The following DNM2 variants were observed in gnomAD, a reference collection of about 807,000 sequenced individuals.
DNM2 encodes the protein dynamin-2.
Under a neutral mutation model 99.0 loss-of-function variants are expected in DNM2, and 15 were observed. That is an observed-to-expected ratio of 0.15 (90% CI 0.10 to 0.23). The LOEUF (loss-of-function observed/expected upper bound fraction) is 0.23. Ranked by LOEUF, DNM2 falls within the 10% of genes least tolerant of loss-of-function variation. The pLI is 1.00. For missense variants in DNM2, 742 were observed against 1,189.4 expected, an observed-to-expected ratio of 0.62 and a Z score of 5.53; for synonymous variants, 525 against 481.2, an observed-to-expected ratio of 1.09 and a Z score of -1.19.
chr19:10,733,229 T>G (rs2069399920), intron 1 of DNM2, among the ~76,000 whole-genome samples: 1 of 146,114 alleles, frequency 6.8e-6, no homozygotes, highest in African/African-American at 2.5e-5. Context: ...TCCCACTCTT[T>G]CACCCAGGTT....
rs146051658 is a variant in DNM2, at chr19:10,814,293, C to T, written c.1671+1916C>T. On this transcript the variant is annotated intron_variant, in intron 15 of 20. Transcript: ENST00000389253. The stretch of plus-strand genomic sequence containing the variant: ...CAGCCTGACCAACATGGAGAAACCC[C>T]GTCTCTACTAAAAATACAAAATTAA... 5.4e-4 allele frequency among the ~76,000 whole-genome samples: 82 copies of T among 152,096 alleles called. No homozygotes were observed. The Middle Eastern group carries it at 0.01, about 19-fold the overall frequency.
At chr19:10,740,885 ATCTT>A (rs2069720720) in intron 1 of DNM2, among the ~76,000 whole-genome samples, 1 of 152,196 alleles carries the variant, frequency 6.6e-6, no homozygotes, top group Non-Finnish European at 1.5e-5. Flanking sequence ...TCTGAAAAAC[ATCTT>A]TCTTGTGTTC....
chr19:10,808,291 C>T (rs960383865), intron 13 of DNM2, among the ~76,000 whole-genome samples: 12 of 152,148 alleles, frequency 7.9e-5, no homozygotes, highest in Non-Finnish European at 1.0e-4. Flanking sequence ...GAAGGAAGAA[C>T]GTAACCATTG....
intron 7 of DNM2, among the ~76,000 whole-genome samples, chr19:10,790,819 T>G (rs1812990427): frequency 6.6e-6 from 1 of 152,068 alleles, no homozygotes. Context: ...CAGGCTAGAG[T>G]GCAGTGGTGC....
At chr19:10,814,202 C>A (rs1009223172) in intron 15 of DNM2, among the ~76,000 whole-genome samples, 1 of 152,070 alleles carries the variant, frequency 6.6e-6, no homozygotes, top group Non-Finnish European at 1.5e-5. Context: ...CAGTGGCTCA[C>A]GCCATTAATC....
intron 4 of DNM2, 105 bp from the exon 5 acceptor site, chr19:10,777,013 G>A: frequency 9.4e-7 from 1 of 1,067,500 alleles, no homozygotes; most frequent in South Asian, 1.3e-5. Context: ...CAGGTGATGT[G>A]ACCTGGAAGT....
chr19:10,737,814 C>T (rs2069583662), intron 1 of DNM2, among the ~76,000 whole-genome samples: 1 of 152,148 alleles, frequency 6.6e-6, no homozygotes, highest in Non-Finnish European at 1.5e-5. Flanking sequence ...TCTGTCTCCC[C>T]CCACTAGAAG....
At chr19:10,808,622 AGTG>A (rs778349800) in intron 14 of DNM2, 42 bp downstream of exon 14, 3 of 1,606,282 alleles carry the variant, frequency 1.9e-6, no homozygotes, top group Non-Finnish European at 2.6e-6. Flanking sequence ...TAGAGAATCT[AGTG>A]GTGATGGAGA....
At chr19:10,800,912 T>C (rs927602535) in intron 11 of DNM2, among the ~76,000 whole-genome samples, 14 of 152,254 alleles carry the variant, frequency 9.2e-5, no homozygotes, top group Non-Finnish European at 1.5e-4. Flanking sequence ...TGTGTGTGTG[T>C]GCGCGCGTGC....
chr19:10,774,482 A>C (rs1449997403), intron 3 of DNM2, among the ~76,000 whole-genome samples: 1 of 152,176 alleles, frequency 6.6e-6, no homozygotes, highest in South Asian at 2.1e-4. Flanking sequence ...GCTGGAGTGC[A>C]ATGGTGCAAT....
At chr19:10,752,644 C>T (rs2070235974) in intron 1 of DNM2, among the ~76,000 whole-genome samples, 1 of 152,250 alleles carries the variant, frequency 6.6e-6, no homozygotes, top group Non-Finnish European at 1.5e-5. Flanking sequence ...GCCTTCAGTC[C>T]ATGTTCATGC....
At chr19:10,822,676 T>G (rs939624420) in intron 16 of DNM2, among the ~76,000 whole-genome samples, 1 of 151,888 alleles carries the variant, frequency 6.6e-6, no homozygotes, top group Non-Finnish European at 1.5e-5. Flanking sequence ...TTTTTTGTAT[T>G]TTAGTATTGA....
chr19:10,734,723 A>AT (rs916955979), intron 1 of DNM2, among the ~76,000 whole-genome samples: 128 of 144,276 alleles, frequency 8.9e-4, no homozygotes, highest in Middle Eastern at 7.2e-3. Flanking sequence ...TTAAAAAAAA[A>AT]TTTTTTTTTT....
Position 10,718,246 on chromosome 19 carries a change from G to T in DNM2, c.4G>T (p.Gly2Cys). M[G>C]NRGMEELIPL... ...CGGGCCGGGGGCCGCCGGCGCCATG[G>T]GCAACCGCGGGATGGAAGAGCTGAT... Residue 2 changes from glycine (G) to cysteine (C), a missense_variant, in exon 1 of 21, where the codon GGC becomes TGC. This residue lies in a region of DNM2 where 52 missense variants were observed against 46.1 expected (regional missense o/e 1.13). Coordinates refer to ENST00000389253, the MANE Select transcript of DNM2 (RefSeq NM_001005361.3). 6.8e-7 allele frequency: 1 copy of T among 1,480,468 alleles called. No individual in the cohort carries two copies. Among genetic ancestry groups the T allele is most frequent in the Non-Finnish European group, 9.0e-7 (1 of 1,113,630 alleles). 91.7% of individuals were successfully genotyped at this position (1,480,468 alleles called of 1,614,324 possible).
intron 13 of DNM2, among the ~76,000 whole-genome samples, chr19:10,807,293 TGCAGTG>T (rs756526284): frequency 6.6e-6 from 1 of 151,912 alleles, no homozygotes; most frequent in Non-Finnish European, 1.5e-5. Context: ...CCAGCTGGAG[TGCAGTG>T]GCACGATTTC....
At chr19:10,790,288 GGTTTTTTT>G (rs2071707083) in intron 7 of DNM2, among the ~76,000 whole-genome samples, 1 of 76,456 alleles carries the variant, frequency 1.3e-5, no homozygotes, top group South Asian at 4.8e-4. Flanking sequence ...GGACACCCAG[GGTTTTTTT>G]GTTTGTTTGT....
intron 1 of DNM2, among the ~76,000 whole-genome samples, chr19:10,752,187 G>A (rs928162047): frequency 1.3e-5 from 2 of 152,164 alleles, no homozygotes; most frequent in African/African-American, 2.4e-5. Context: ...GTACTGTGGC[G>A]TGCCTGGGCA....
At chr19:10,808,014 G>A (rs2072411560) in intron 13 of DNM2, among the ~76,000 whole-genome samples, 1 of 150,898 alleles carries the variant, frequency 6.6e-6, no homozygotes, top group Non-Finnish European at 1.5e-5. Context: ...ATGATGGTGG[G>A]TGCCTATAAT....
chr19:10,802,273 C>A lies in DNM2; in HGVS notation c.1423-15C>A. The stretch of plus-strand genomic sequence containing the variant: ...GCTTGGCCTTGTACTCACAGTGACC[C>A]CCGCTCTCCCCCAGATTCTTCTGCT... On this transcript the variant is annotated splice_polypyrimidine_tract_variant and intron_variant, in intron 11 of 20. Transcript: ENST00000389253. 1 of 1,614,066 alleles carries A rather than the reference C, an allele frequency of 6.2e-7. No individual in the cohort carries two copies. Among genetic ancestry groups the A allele is most frequent in the Non-Finnish European group, 8.5e-7 (1 of 1,180,010 alleles).
Sources: gnomAD v4.1 joint callset for allele counts (sites outside exome capture counted in the v4.1 genomes callset) on GRCh38, gnomAD v4.1.1 for gene constraint, gnomAD v4.1.1 regional missense constraint, MANE v1.5 for transcripts, NCBI Gene and HGNC (gene_info 2026-07-23, HGNC 2026-07-21) for gene names.